RSU1: variants seen among roughly 807,000 people sequenced by gnomAD.
The protein encoded by RSU1 is Ras suppressor protein 1.
RSU1 carries 26 observed loss-of-function variants against 31.1 expected under a neutral mutation model. That is an observed-to-expected ratio of 0.84 (90% CI 0.61 to 1.16). The LOEUF (loss-of-function observed/expected upper bound fraction) is 1.16. Among genes scored for constraint, RSU1 ranks in the 50% most tolerant of loss-of-function variants. The pLI, the probability that RSU1 is intolerant of heterozygous loss-of-function variation, is 0.00. For synonymous variants in RSU1, 164 were observed against 136.3 expected, an observed-to-expected ratio of 1.20 and a Z score of -1.41; for missense variants, 320 against 339.1, an observed-to-expected ratio of 0.94 and a Z score of 0.44.
intron 8 of RSU1, among the ~76,000 whole-genome samples, chr10:16,606,583 G>A (rs1433119059): frequency 1.3e-5 from 2 of 152,160 alleles, no homozygotes; most frequent in Admixed American, 1.3e-4. Flanking sequence ...CATTAGGCTG[G>A]TCATCACCAG....
chr10:16,791,320 C>CA (rs986686070), intron 2 of RSU1, among the ~76,000 whole-genome samples: 2 of 149,262 alleles, frequency 1.3e-5, no homozygotes, highest in African/African-American at 4.9e-5. Context: ...AGCCACCTGT[C>CA]AAAAAAAATA....
chr10:16,637,792 C>T (rs1834371140), intron 8 of RSU1, among the ~76,000 whole-genome samples: 1 of 149,368 alleles, frequency 6.7e-6, no homozygotes, highest in African/African-American at 2.5e-5. Context: ...TGACTAACGG[C>T]AATTTTCTGC....
chr10:16,769,075 A>G (rs548455416), intron 3 of RSU1, among the ~76,000 whole-genome samples: 2 of 152,354 alleles, frequency 1.3e-5, no homozygotes, highest in African/African-American at 4.8e-5. Flanking sequence ...CAGCTCAAGA[A>G]TAGGCTTCCC....
intron 7 of RSU1, among the ~76,000 whole-genome samples, chr10:16,713,870 T>C (rs570072589): frequency 6.6e-6 from 1 of 152,100 alleles, no homozygotes; most frequent in African/African-American, 2.4e-5. Flanking sequence ...GGTCCCAAGG[T>C]GTCATTTGAG....
rs116163198 is a variant in RSU1 at position 16,660,417 on chromosome 10, G to A, written c.731+34606C>T. Among the ~76,000 whole-genome samples, 520 of 152,252 alleles carry A rather than the reference G, an allele frequency of 3.4e-3. 6 individuals carry two copies. Among genetic ancestry groups the A allele is most frequent in the African/African-American group, 0.012 (496 of 41,542 alleles). On this transcript the variant is annotated intron_variant, in intron 8 of 8. Transcript: ENST00000345264. ...TCAAACAGCATCCATGAAACTGTGG[G>A]AAGCTAATTTATGAGCTTGGAAGGA...
intron 8 of RSU1, among the ~76,000 whole-genome samples, chr10:16,641,000 C>T (rs118121297): frequency 6.6e-6 from 1 of 152,192 alleles, no homozygotes; most frequent in Non-Finnish European, 1.5e-5. Context: ...TTGTTCCCAC[C>T]ATGGCCACCA....
Position 16,752,592 on chromosome 10 carries a change from A to C in RSU1, c.545T>G (p.Leu182Arg), listed in dbSNP as rs1243487391. Residue 182 changes from leucine to arginine, a missense_variant, in exon 7 of 9, where the codon CTT becomes CGT. By Grantham distance (102) the Leu-to-Arg change is moderately radical (BLOSUM62 -2). Transcript: ENST00000345264. The part of the protein sequence containing the change: ...LPKEIGELTQ[L>R]KELHIQGNRL... ...GTTCCCCTGAATGTGGAGCTCTTTA[A>C]GCTGGGTAAGCTCCCCGATTTCCTT... The C allele has an allele frequency of 5.6e-6, 9 of 1,614,048 alleles. No homozygotes were observed. Among genetic ancestry groups the C allele is most frequent in the Non-Finnish European group, 7.6e-6 (9 of 1,180,004 alleles).
At chr10:16,643,236 T>C (rs1834476666) in intron 8 of RSU1, among the ~76,000 whole-genome samples, 2 of 152,162 alleles carry the variant, frequency 1.3e-5, no homozygotes, top group South Asian at 4.1e-4. Context: ...TAGAAGAGCA[T>C]GGAAGATGTG....
intron 3 of RSU1, among the ~76,000 whole-genome samples, chr10:16,766,005 G>A (rs916714362): frequency 2.6e-5 from 4 of 152,234 alleles, no homozygotes; most frequent in African/African-American, 7.2e-5. Flanking sequence ...AAAGGGACAG[G>A]CACGTTGCTT....
At chr10:16,731,372 G>A (rs1036586857) in intron 7 of RSU1, among the ~76,000 whole-genome samples, 3 of 150,612 alleles carry the variant, frequency 2.0e-5, no homozygotes, top group Admixed American at 6.6e-5. Flanking sequence ...GGAGCTTGCA[G>A]TGAGCCGAGA....
intron 2 of RSU1, among the ~76,000 whole-genome samples, chr10:16,797,791 A>G (rs1838070001): frequency 1.3e-5 from 2 of 152,100 alleles, no homozygotes; most frequent in South Asian, 2.1e-4. Flanking sequence ...TCAAAGACAT[A>G]TAAGAGCAAA....
Position 16,674,925 on chromosome 10 carries a change from C to T in RSU1, c.731+20098G>A, listed in dbSNP as rs539040143. 1.2e-3 allele frequency among the ~76,000 whole-genome samples: 179 copies of T among 152,008 alleles called. 2 individuals are homozygous for T. The South Asian group carries it at 0.019, about 16-fold the overall frequency. Reference sequence around the variant, plus strand: ...GCACACGCCTGTAATCCCAGCTACTCGGGAGGCTGAGGCAGGAGCATCTTT... The same window carrying T: ...GCACACGCCTGTAATCCCAGCTACTTGGGAGGCTGAGGCAGGAGCATCTTT... On this transcript the variant is annotated intron_variant, in intron 8 of 8. Transcript: ENST00000345264.
At chr10:16,593,523 C>CAGATCTATT in intron 8 of RSU1, 27 bp from the exon 9 acceptor site, 1 of 1,569,980 alleles carries the variant, frequency 6.4e-7, no homozygotes, top group Non-Finnish European at 8.8e-7. Flanking sequence ...AGGACACTAT[C>CAGATCTATT]AGATCTATTT....
chr10:16,603,842 A>ACCC (rs1352808439), intron 8 of RSU1, among the ~76,000 whole-genome samples: 8 of 151,730 alleles, frequency 5.3e-5, no homozygotes, highest in Non-Finnish European at 1.2e-4. Flanking sequence ...ATGTGCTTGT[A>ACCC]ATACAACGAT....
At chr10:16,720,747 T>G (rs1836240010) in intron 7 of RSU1, among the ~76,000 whole-genome samples, 1 of 152,216 alleles carries the variant, frequency 6.6e-6, no homozygotes, top group African/African-American at 2.4e-5. Flanking sequence ...TCTTAGCAGT[T>G]ATTTCATATG....
intron 3 of RSU1, among the ~76,000 whole-genome samples, chr10:16,771,998 C>T (rs1355697892): frequency 6.6e-6 from 1 of 152,198 alleles, no homozygotes; most frequent in East Asian, 1.9e-4. Flanking sequence ...ACAAGTATTA[C>T]TGGGGACCTG....
At chr10:16,667,413 A>G (rs1835016259) in intron 8 of RSU1, among the ~76,000 whole-genome samples, 2 of 152,180 alleles carry the variant, frequency 1.3e-5, no homozygotes, top group Admixed American at 1.3e-4. Flanking sequence ...TATTATCTCA[A>G]TTCTCCAAAC....
intron 8 of RSU1, among the ~76,000 whole-genome samples, chr10:16,691,892 C>G (rs989733004): frequency 2.6e-5 from 4 of 152,010 alleles, no homozygotes. Flanking sequence ...GCACCCACCA[C>G]CACACTCGGC....
intron 8 of RSU1, among the ~76,000 whole-genome samples, chr10:16,679,879 T>G (rs971528833): frequency 2.9e-5 from 4 of 139,750 alleles, no homozygotes; most frequent in Admixed American, 1.4e-4. Context: ...GTTTTTTTTT[T>G]TTTTTTTTTT....
Sources: gnomAD v4.1 joint callset for allele counts (sites outside exome capture counted in the v4.1 genomes callset) on GRCh38, gnomAD v4.1.1 for gene constraint, MANE v1.5 for transcripts, NCBI Gene and HGNC (gene_info 2026-07-23, HGNC 2026-07-21) for gene names.